The following REPS1 variants were observed in gnomAD, a reference collection of about 807,000 sequenced individuals.
REPS1 encodes the protein ralBP1-associated Eps domain-containing protein 1.
In REPS1, 39 loss-of-function variants were observed where a neutral mutation model predicts 100.9. The ratio of observed to expected loss-of-function variants is 0.39; its 90% CI spans 0.30 to 0.50. The LOEUF (loss-of-function observed/expected upper bound fraction) is 0.50, where lower values mean the gene tolerates loss of function less well. REPS1 is among the 20% of genes least tolerant of loss of function. The probability of loss-of-function intolerance (pLI) is 0.86; values close to 1 mark genes in which losing one functional copy is unlikely to be tolerated. For missense variants in REPS1, 821 were observed against 968.5 expected (o/e 0.85, Z 2.02); for synonymous variants, 324 against 340.3 (o/e 0.95, Z 0.53).
At chr6:138,954,545 T>A (rs1783252862) in intron 1 of REPS1, among the ~76,000 whole-genome samples, 1 of 151,074 alleles carries the variant, frequency 6.6e-6, no homozygotes, top group Non-Finnish European at 1.5e-5. Flanking sequence ...TTTCATGATG[T>A]TTTAAGAAAG....
At chr6:138,983,709 G>T (rs1374833742) in intron 1 of REPS1, among the ~76,000 whole-genome samples, 1 of 152,052 alleles carries the variant, frequency 6.6e-6, no homozygotes, top group Non-Finnish European at 1.5e-5. Context: ...ACCAACCAAG[G>T]TCCTGATATG....
intron 3 of REPS1, 42 bp downstream of exon 3, chr6:138,945,459 G>T: frequency 6.3e-7 from 1 of 1,581,324 alleles, no homozygotes; most frequent in Non-Finnish European, 8.6e-7. Context: ...TGAAGCATTT[G>T]CACAGGGCAT....
intron 8 of REPS1, among the ~76,000 whole-genome samples, chr6:138,935,562 G>A (rs1443291000): frequency 6.6e-6 from 1 of 151,952 alleles, no homozygotes; most frequent in East Asian, 1.9e-4. Context: ...AAAGAACAAA[G>A]AATGAAAGAA....
chr6:138,950,691 A>AT (rs977104960), intron 1 of REPS1, among the ~76,000 whole-genome samples: 2 of 151,950 alleles, frequency 1.3e-5, no homozygotes, highest in African/African-American at 4.8e-5. Context: ...CCACCCCTCA[A>AT]TTTTTTTGCT....
chr6:138,931,719 T>A (rs1258011582), intron 8 of REPS1, among the ~76,000 whole-genome samples: 1 of 152,126 alleles, frequency 6.6e-6, no homozygotes. Flanking sequence ...GAAAAAATTA[T>A]TTAGGATAAA....
chr6:138,975,776 G>A (rs1408133779), intron 1 of REPS1, among the ~76,000 whole-genome samples: 1 of 152,162 alleles, frequency 6.6e-6, no homozygotes, highest in Admixed American at 6.5e-5. Flanking sequence ...AGAGGGTGCA[G>A]TGAGTCGAGA....
In REPS1 at chr6:138,967,007, C is replaced by T. The variant is rs182085289; in HGVS notation, c.154-19094G>A. Among the ~76,000 whole-genome samples, 22 of 152,300 alleles carry T rather than the reference C, an allele frequency of 1.4e-4. No individual in the cohort carries two copies. In the East Asian group the frequency reaches 3.9e-3, roughly 27 times the overall value. ...CAACAACAGTGTTGAGAGGCAGGAC[C>T]TTCAAGAGGTGATTAGGTCACAAGG... On this transcript the variant is annotated intron_variant, in intron 1 of 19. Transcript: ENST00000450536.
chr6:138,987,745 C>T lies in REPS1; in HGVS notation c.-63G>A, dbSNP rs749761923. On this transcript the variant is annotated 5_prime_UTR_variant, in exon 1 of 20. Transcript: ENST00000450536. The stretch of plus-strand genomic sequence containing the variant: ...ACTACTCGGGGCCCGGCCCCAGGAA[C>T]CTGGGCCGGCAGGGGCTGCGCGTGG... 1,090 of 1,440,240 alleles carry T rather than the reference C, an allele frequency of 7.6e-4. 1 individual carries two copies. The highest frequency in any genetic ancestry group is 9.3e-4 in the Non-Finnish European group (1,022 of 1,094,528). 89.2% of individuals were successfully genotyped at this position (1,440,240 alleles called of 1,614,324 possible).
chr6:138,979,198 C>CAAAAAAAAAAAAAAAAAAAAAAA (rs1277794755), intron 1 of REPS1, among the ~76,000 whole-genome samples: 2 of 91,796 alleles, frequency 2.2e-5, no homozygotes, highest in African/African-American at 1.0e-4. Context: ...AAAAAAAAAA[C>CAAAAAAAAAAAAAAAAAAAAAAA]AAAAAAAAAA....
At chr6:138,950,499 A>G (rs529141424) in intron 1 of REPS1, among the ~76,000 whole-genome samples, 99 of 152,300 alleles carry the variant, frequency 6.5e-4, no homozygotes, top group African/African-American at 2.3e-3. Context: ...AAAAAAAAGA[A>G]TAAGTTAACC....
chr6:138,970,433 T>C (rs139197847), intron 1 of REPS1, among the ~76,000 whole-genome samples: 1 of 130,120 alleles, frequency 7.7e-6, no homozygotes, highest in Non-Finnish European at 1.6e-5. Context: ...GTGATCAGGA[T>C]AACAATGAAC....
chr6:138,947,205 A>C (rs937044700), intron 2 of REPS1, among the ~76,000 whole-genome samples: 1 of 152,140 alleles, frequency 6.6e-6, no homozygotes, highest in Non-Finnish European at 1.5e-5. Context: ...ACCCAGTCTC[A>C]GGGATTTCTT....
At chr6:138,964,816 A>G (rs1263050423) in intron 1 of REPS1, among the ~76,000 whole-genome samples, 1 of 152,082 alleles carries the variant, frequency 6.6e-6, no homozygotes. Flanking sequence ...TCCTCTACTA[A>G]TATTTTCATA....
In REPS1 at chr6:138,943,519, T is replaced by C. The variant is rs779971459; in HGVS notation, c.974A>G (p.His325Arg). The C allele has an allele frequency of 2.1e-5, 34 of 1,581,684 alleles. No individual in the cohort carries two copies. Among genetic ancestry groups the C allele is most frequent in the Non-Finnish European group, 2.9e-5 (33 of 1,152,230 alleles). Residue 325 changes from histidine (H) to arginine (R), a missense_variant, in exon 7 of 20, where the codon CAT (histidine) becomes CGT (arginine). This residue lies in a region of REPS1 where 757 missense variants were observed against 866.4 expected (regional missense o/e 0.87). Transcript: ENST00000450536. ...KSKLPILELS[H>R]IWELSDFDKD... ...AATGATATACCACACTTACCAAATA[T>C]GAGAAAGTTCAAGAATAGGAAGTTT...
At chr6:138,971,902 G>A (rs1041340975) in intron 1 of REPS1, among the ~76,000 whole-genome samples, 1 of 152,148 alleles carries the variant, frequency 6.6e-6, no homozygotes, top group Non-Finnish European at 1.5e-5. Flanking sequence ...AGCCAAGCAG[G>A]GCTAAGCAAA....
intron 1 of REPS1, among the ~76,000 whole-genome samples, chr6:138,958,072 T>C (rs1020737913): frequency 4.6e-5 from 7 of 152,128 alleles, no homozygotes; most frequent in Non-Finnish European, 5.9e-5. Flanking sequence ...AAGAAAAGTT[T>C]CAAAGGTAAC....
At chr6:138,967,640 A>C (rs948538297) in intron 1 of REPS1, among the ~76,000 whole-genome samples, 1 of 152,178 alleles carries the variant, frequency 6.6e-6, no homozygotes, top group Non-Finnish European at 1.5e-5. Flanking sequence ...CCATAATCCC[A>C]GTGCAGCAAC....
At chr6:138,982,869 C>T (rs1382517543) in intron 1 of REPS1, among the ~76,000 whole-genome samples, 1 of 152,172 alleles carries the variant, frequency 6.6e-6, no homozygotes, top group African/African-American at 2.4e-5. Context: ...TTTGTGTGTG[C>T]CCTGAACACC....
chr6:138,969,686 A>G (rs1171691370), intron 1 of REPS1, among the ~76,000 whole-genome samples: 1 of 152,048 alleles, frequency 6.6e-6, no homozygotes, highest in Non-Finnish European at 1.5e-5. Flanking sequence ...TTGCACATGC[A>G]GCCTCTCTGT....
Sources: gnomAD v4.1 joint callset for allele counts (sites outside exome capture counted in the v4.1 genomes callset) on GRCh38, gnomAD v4.1.1 for gene constraint, gnomAD v4.1.1 regional missense constraint, MANE v1.5 for transcripts, NCBI Gene and HGNC (gene_info 2026-07-23, HGNC 2026-07-21) for gene names.